Variants in SNTG1 observed in about 807,000 individuals in gnomAD.
SNTG1 encodes the protein syntrophin gamma 1.
SNTG1 carries 39 observed loss-of-function variants against 74.7 expected under a neutral mutation model. That is an observed-to-expected ratio of 0.52 (90% CI 0.40 to 0.68). SNTG1 has a LOEUF of 0.68. Ranked by LOEUF, SNTG1 falls within the 30% of genes least tolerant of loss-of-function variation. The pLI, the probability that SNTG1 is intolerant of heterozygous loss-of-function variation, is 0.00. For synonymous variants in SNTG1, 254 were observed against 217.1 expected (o/e 1.17, Z -1.49); for missense variants, 685 against 609.5 (o/e 1.12, Z -1.30).
chr8:50,756,558 G>A (rs1177982110), intron 18 of SNTG1, among the ~76,000 whole-genome samples: 1 of 151,594 alleles, frequency 6.6e-6, no homozygotes, highest in Non-Finnish European at 1.5e-5. Flanking sequence ...TTGCTCCTTA[G>A]TCAAAGATTA....
chr8:49,982,017 AG>A (rs1221639731), intron 1 of SNTG1, among the ~76,000 whole-genome samples: 1 of 152,174 alleles, frequency 6.6e-6, no homozygotes, highest in Non-Finnish European at 1.5e-5. Flanking sequence ...AAATCTATGG[AG>A]AAAACAATAG....
At chr8:50,255,705 C>G (rs557056384) in intron 2 of SNTG1, among the ~76,000 whole-genome samples, 23 of 152,278 alleles carry the variant, frequency 1.5e-4, no homozygotes, top group Middle Eastern at 3.4e-3. Context: ...TTTATCAGAA[C>G]ATCATTTGCA....
At chr8:50,760,668 A>C (rs1001302737) in intron 18 of SNTG1, among the ~76,000 whole-genome samples, 1 of 151,926 alleles carries the variant, frequency 6.6e-6, no homozygotes, top group African/African-American at 2.4e-5. Context: ...TCAAATAGAC[A>C]CAAAAAAAAT....
chr8:50,391,422 C>G (rs1411614186), intron 2 of SNTG1, among the ~76,000 whole-genome samples: 1 of 152,084 alleles, frequency 6.6e-6, no homozygotes, highest in Non-Finnish European at 1.5e-5. Context: ...GGATGAAGCC[C>G]ACTTGATCAT....
At chr8:50,146,679 C>T (rs1390308637) in intron 1 of SNTG1, among the ~76,000 whole-genome samples, 1 of 152,078 alleles carries the variant, frequency 6.6e-6, no homozygotes, top group Non-Finnish European at 1.5e-5. Flanking sequence ...TGTGAGGATT[C>T]CTGTGCCTGC....
At chr8:50,484,336 C>T (rs1362870252) in intron 8 of SNTG1, among the ~76,000 whole-genome samples, 2 of 151,568 alleles carry the variant, frequency 1.3e-5, no homozygotes, top group African/African-American at 4.8e-5. Flanking sequence ...CTGCCTCAGC[C>T]TCCTAAGTAG....
chr8:50,779,869 T>C (rs1462406627), intron 18 of SNTG1, among the ~76,000 whole-genome samples: 1 of 151,896 alleles, frequency 6.6e-6, no homozygotes, highest in African/African-American at 2.4e-5. Context: ...TATTTTGAGA[T>C]ATGTCCCATC....
rs536101617 is a variant in SNTG1, at chr8:49,911,519, G to T, written c.-815G>T. The T allele has an allele frequency of 7.0e-6, 1 of 143,140 alleles. No homozygotes were observed. The highest frequency in any genetic ancestry group is 2.2e-4 in the South Asian group (1 of 4,574). The allele number at this position is 143,140 out of a possible 1,614,324, so 8.9% of individuals were successfully genotyped here. On this transcript the variant is annotated 5_prime_UTR_variant, in exon 1 of 19. Coordinates refer to ENST00000642720, the MANE Select transcript of SNTG1 (RefSeq NM_018967.5). ...AAACGTTGTCACCAAATAAGTATGA[G>T]ACTGTTAATTTGGAGAAACAATTAG...
At chr8:50,664,651 G>T (rs2095241908) in intron 15 of SNTG1, among the ~76,000 whole-genome samples, 2 of 152,092 alleles carry the variant, frequency 1.3e-5, no homozygotes, top group South Asian at 4.1e-4. Flanking sequence ...GATACCCAAG[G>T]CCTTTAGCCC....
At chr8:50,142,789 A>G (rs2081714302) in intron 1 of SNTG1, among the ~76,000 whole-genome samples, 1 of 152,170 alleles carries the variant, frequency 6.6e-6, no homozygotes, top group East Asian at 1.9e-4. Context: ...AATAAAGTCC[A>G]TGACCAGTGT....
At chr8:50,713,992 G>C (rs553865068) in intron 17 of SNTG1, among the ~76,000 whole-genome samples, 7 of 148,720 alleles carry the variant, frequency 4.7e-5, no homozygotes, top group African/African-American at 1.7e-4. Context: ...CCAGGAGACA[G>C]AGGTTGCCAT....
chr8:50,206,943 T>C (rs1043603764), intron 2 of SNTG1, among the ~76,000 whole-genome samples: 1 of 152,230 alleles, frequency 6.6e-6, no homozygotes. Context: ...ATAACCTTTT[T>C]GACGTGCTGC....
chr8:50,225,042 C>T (rs1000266806), intron 2 of SNTG1, among the ~76,000 whole-genome samples: 4 of 152,010 alleles, frequency 2.6e-5, no homozygotes, highest in African/African-American at 7.2e-5. Context: ...GTGATCTCCA[C>T]TCACTGCAAG....
chr8:50,694,410 A>G (rs1025582716), intron 15 of SNTG1, among the ~76,000 whole-genome samples: 1 of 152,246 alleles, frequency 6.6e-6, no homozygotes, highest in Non-Finnish European at 1.5e-5. Flanking sequence ...ATGTGAAGAG[A>G]ACAATAATGA....
intron 1 of SNTG1, among the ~76,000 whole-genome samples, chr8:50,019,112 AT>A (rs1816601616): frequency 6.6e-6 from 1 of 152,070 alleles, no homozygotes; most frequent in Non-Finnish European, 1.5e-5. Flanking sequence ...TGTGGGAATT[AT>A]TTTGTAATTG....
At chr8:50,521,803 A>C (rs1357396275) in intron 9 of SNTG1, among the ~76,000 whole-genome samples, 1 of 152,048 alleles carries the variant, frequency 6.6e-6, no homozygotes, top group African/African-American at 2.4e-5. Context: ...TCAAGAAAAC[A>C]CTCATGAGAT....
At chr8:50,141,703 G>A (rs1388943119) in intron 1 of SNTG1, among the ~76,000 whole-genome samples, 1 of 151,912 alleles carries the variant, frequency 6.6e-6, no homozygotes, top group Non-Finnish European at 1.5e-5. Flanking sequence ...TTTAGTGGAG[G>A]GTGAAAATGT....
At chr8:50,098,256 C>A (rs2080001304) in intron 1 of SNTG1, among the ~76,000 whole-genome samples, 1 of 152,114 alleles carries the variant, frequency 6.6e-6, no homozygotes, top group African/African-American at 2.4e-5. Context: ...TAATTTATCC[C>A]AATTTCATGA....
chr8:50,132,378 G>A (rs184493763), intron 1 of SNTG1, among the ~76,000 whole-genome samples: 5 of 151,974 alleles, frequency 3.3e-5, no homozygotes, highest in Middle Eastern at 3.4e-3. Flanking sequence ...TGAGATTCAG[G>A]GTACAGTAGA....
Sources: allele counts gnomAD v4.1 joint callset (sites outside exome capture counted in the v4.1 genomes callset), GRCh38; gene constraint gnomAD v4.1.1; transcripts MANE v1.5; gene names NCBI Gene and HGNC (gene_info 2026-07-23, HGNC 2026-07-21).